Variants in BMPR2 observed in about 807,000 individuals in gnomAD.
BMPR2 encodes the protein bone morphogenetic protein receptor type-2.
BMPR2 carries 29 observed loss-of-function variants against 100.8 expected under a neutral mutation model. The observed-to-expected ratio is 0.29, with a 90% CI of 0.21 to 0.39. The LOEUF is 0.39. Among genes scored for constraint, BMPR2 ranks in the 10% least tolerant of loss-of-function variants. The pLI, the probability that BMPR2 is intolerant of heterozygous loss-of-function variation, is 1.00. For synonymous variants in BMPR2, 382 were observed against 442.3 expected, an observed-to-expected ratio of 0.86 and a Z score of 1.71; for missense variants, 1,011 against 1,274.5, an observed-to-expected ratio of 0.79 and a Z score of 3.15.
Position 202,566,847 on chromosome 2 carries a change from A to T in BMPR2, c.*6901A>T, listed in dbSNP as rs1688771596. On this transcript the variant is annotated 3_prime_UTR_variant, in exon 13 of 13. Coordinates refer to ENST00000374580, the MANE Select transcript of BMPR2 (RefSeq NM_001204.7). ...TATATACTTAAAATCCTAGGAAGTTATCTGTAACCAGTCTCTTGTCTCAGG... is the reference window on the plus strand; with the variant it reads ...TATATACTTAAAATCCTAGGAAGTTTTCTGTAACCAGTCTCTTGTCTCAGG... 1 of 152,198 alleles carries T rather than the reference A, an allele frequency of 6.6e-6. No homozygotes were observed. Among genetic ancestry groups the T allele is most frequent in the Non-Finnish European group, 1.5e-5 (1 of 68,014 alleles). 9.4% of individuals were successfully genotyped at this position (152,198 alleles called of 1,614,324 possible).
chr2:202,517,911 C>T (rs1316005799), intron 5 of BMPR2, among the ~76,000 whole-genome samples: 1 of 148,140 alleles, frequency 6.8e-6, no homozygotes, highest in African/African-American at 2.5e-5. Context: ...CTCCCAGGTT[C>T]ACGCCATTCT....
At chr2:202,458,619 T>C (rs1375984965) in intron 1 of BMPR2, among the ~76,000 whole-genome samples, 2 of 152,208 alleles carry the variant, frequency 1.3e-5, no homozygotes, top group African/African-American at 4.8e-5. Context: ...ATCTTTAGAA[T>C]AGATGATAAC....
Position 202,441,520 on chromosome 2 carries a change from C to T in BMPR2, c.77-23289C>T, listed in dbSNP as rs1222653497. Among the ~76,000 whole-genome samples the T allele has an allele frequency of 1.1e-3, 148 of 139,808 alleles. 10 individuals are homozygous for T. The highest frequency in any genetic ancestry group is 3.8e-3 in the African/African-American group (136 of 35,890). 91.7% of individuals were successfully genotyped at this position (139,808 alleles called of 152,430 possible). ...CAGATGGAGACCATCCTGGCTAACACGGTGAAACCCCGTCTCTACTAAAAA... is the reference window on the plus strand; with the variant it reads ...CAGATGGAGACCATCCTGGCTAACATGGTGAAACCCCGTCTCTACTAAAAA... On this transcript the variant is annotated intron_variant, in intron 1 of 12. Coordinates refer to ENST00000374580, the MANE Select transcript of BMPR2 (RefSeq NM_001204.7).
chr2:202,421,644 A>G (rs962199942), intron 1 of BMPR2, among the ~76,000 whole-genome samples: 1 of 150,584 alleles, frequency 6.6e-6, no homozygotes, highest in Non-Finnish European at 1.5e-5. Flanking sequence ...TCCGTCTCAA[A>G]AAAAAAAAAA....
chr2:202,482,498 C>T (rs1475521714), intron 3 of BMPR2, among the ~76,000 whole-genome samples: 4 of 151,410 alleles, frequency 2.6e-5, no homozygotes, highest in South Asian at 2.1e-4. Context: ...CTCAGCCTCC[C>T]GGGTAGCTAG....
At chr2:202,467,802 T>TA in intron 3 of BMPR2, 113 bp downstream of exon 3, 1 of 1,109,824 alleles carries the variant, frequency 9.0e-7, no homozygotes. Flanking sequence ...CTCATGCCTG[T>TA]AATGCCAGCA....
At chr2:202,537,065 A>G (rs1688175364) in intron 9 of BMPR2, among the ~76,000 whole-genome samples, 2 of 151,582 alleles carry the variant, frequency 1.3e-5, no homozygotes, top group South Asian at 2.1e-4. Flanking sequence ...CCCGGCTAGT[A>G]TTTTATTTTT....
chr2:202,467,683 C>T lies in BMPR2; in HGVS notation c.412C>T (p.Pro138Ser), dbSNP rs866080270. 6.2e-7 allele frequency: 1 copy of T among 1,610,098 alleles called. No homozygotes were observed. The highest frequency in any genetic ancestry group is 8.5e-7 in the Non-Finnish European group (1 of 1,176,362). The change falls in exon 3 of 13, where the codon CCA becomes TCA. Residue 138 changes from proline to serine, a missense_variant. By Grantham distance (74) the Pro-to-Ser change is moderately conservative. Around this residue, in one of 6 missense-constraint regions of BMPR2, gnomAD observed 355 missense variants for 455.3 expected, o/e 0.78. Transcript: ENST00000374580. ...TENFPPPDTT[P>S]LSPPHSFNRD... Reference sequence around the variant, plus strand: ...GAATTTTCCACCTCCTGACACAACACCACTCAGTAAGTAAAGTAACCAACT... The same window carrying T: ...GAATTTTCCACCTCCTGACACAACATCACTCAGTAAGTAAAGTAACCAACT...
At chr2:202,382,874 C>A (rs934620490) in intron 1 of BMPR2, among the ~76,000 whole-genome samples, 1 of 152,180 alleles carries the variant, frequency 6.6e-6, no homozygotes, top group Non-Finnish European at 1.5e-5. Context: ...GGGTACCCCA[C>A]TAGACCTACT....
chr2:202,377,068 G>T lies in BMPR2; in HGVS notation c.-407G>T, dbSNP rs886055468. 294 of 516,504 alleles carry T rather than the reference G, an allele frequency of 5.7e-4. 1 individual carries two copies. Among genetic ancestry groups the T allele is most frequent in the Non-Finnish European group, 8.1e-5 (24 of 295,006 alleles). The allele number at this position is 516,504 out of a possible 1,614,324, so 32.0% of individuals were successfully genotyped here. On this transcript the variant is annotated 5_prime_UTR_variant, in exon 1 of 13. Transcript: ENST00000374580. ...CAGTCGGGAACTAGTTCTGACCCTC[G>T]CCCCCCGACCCCGGATCGAATCCCC...
chr2:202,394,311 A>C (rs1023935078), intron 1 of BMPR2, among the ~76,000 whole-genome samples: 2 of 152,004 alleles, frequency 1.3e-5, no homozygotes, highest in South Asian at 4.1e-4. Flanking sequence ...AGATCGTGCC[A>C]TTGCACTCCA....
At chr2:202,481,502 A>G (rs1232146321) in intron 3 of BMPR2, among the ~76,000 whole-genome samples, 4 of 152,050 alleles carry the variant, frequency 2.6e-5, no homozygotes, top group East Asian at 1.9e-4. Flanking sequence ...CAAGATTATT[A>G]TGGCTGTTTT....
chr2:202,512,688 A>T (rs894443628), intron 3 of BMPR2, among the ~76,000 whole-genome samples: 2 of 152,176 alleles, frequency 1.3e-5, no homozygotes, highest in South Asian at 4.1e-4. Flanking sequence ...CACAGAATGG[A>T]ACTTAACACA....
At chr2:202,539,975 T>G (rs1432443421) in intron 9 of BMPR2, among the ~76,000 whole-genome samples, 1 of 152,162 alleles carries the variant, frequency 6.6e-6, no homozygotes, top group Non-Finnish European at 1.5e-5. Flanking sequence ...TTATCTTCCA[T>G]GATGATGATT....
chr2:202,482,838 T>A lies in BMPR2; in HGVS notation c.418+15149T>A, dbSNP rs551534013. 2.0e-5 allele frequency among the ~76,000 whole-genome samples: 3 copies of A among 152,026 alleles called. No individual in the cohort carries two copies. The South Asian group carries it at 6.2e-4, about 32-fold the overall frequency. On this transcript the variant is annotated intron_variant, in intron 3 of 12. Coordinates refer to ENST00000374580, the MANE Select transcript of BMPR2 (RefSeq NM_001204.7). ...ACAGGCATGAGCCACCACACCCGGCTGCTACCTGGCTAATTTTTAAATTTT... is the reference window on the plus strand; with the variant it reads ...ACAGGCATGAGCCACCACACCCGGCAGCTACCTGGCTAATTTTTAAATTTT...
chr2:202,542,094 G>A (rs550560213), intron 9 of BMPR2, among the ~76,000 whole-genome samples: 4 of 148,882 alleles, frequency 2.7e-5, no homozygotes, highest in African/African-American at 9.9e-5. Flanking sequence ...CTGGGCAACA[G>A]AGTAAGACTC....
At chr2:202,396,636 G>A (rs1690661165) in intron 1 of BMPR2, among the ~76,000 whole-genome samples, 1 of 152,144 alleles carries the variant, frequency 6.6e-6, no homozygotes, top group Admixed American at 6.6e-5. Flanking sequence ...ACATCATAAA[G>A]AGATATATGA....
rs539091786 is a variant in BMPR2 at position 202,513,410 on chromosome 2, A to G, written c.419-309A>G. Among the ~76,000 whole-genome samples the G allele has an allele frequency of 4.6e-5, 7 of 152,330 alleles. No homozygotes were observed. In the East Asian group the frequency reaches 1.2e-3, roughly 25 times the overall value. On this transcript the variant is annotated intron_variant, in intron 3 of 12. Coordinates refer to ENST00000374580, the MANE Select transcript of BMPR2 (RefSeq NM_001204.7). ...CCAAATGTGATTCTAAAACTGTTAG[A>G]TTCTAAGACTCTTGATATTATACTA...
chr2:202,392,817 A>AC (rs1034245392), intron 1 of BMPR2, among the ~76,000 whole-genome samples: 110 of 151,638 alleles, frequency 7.3e-4, no homozygotes, highest in Middle Eastern at 3.4e-3. Context: ...ACATGGAGAA[A>AC]CCCCGTCTCT....
Sources: allele counts gnomAD v4.1 joint callset (sites outside exome capture counted in the v4.1 genomes callset), GRCh38; gene constraint gnomAD v4.1.1; regional missense constraint gnomAD v4.1.1; transcripts MANE v1.5; gene names NCBI Gene and HGNC (gene_info 2026-07-23, HGNC 2026-07-21).